Variants in CHD2 observed in about 807,000 individuals in gnomAD.
CHD2 encodes ATP-dependent chromatin remodeler CHD2.
Under a neutral mutation model 243.9 loss-of-function variants are expected in CHD2, and 28 were observed. The ratio of observed to expected loss-of-function variants is 0.11; its 90% CI spans 0.09 to 0.16. The LOEUF is 0.16. CHD2 is among the 10% of genes least tolerant of loss of function. The probability of loss-of-function intolerance (pLI) is 1.00; values close to 1 mark genes in which losing one functional copy is unlikely to be tolerated. For missense variants in CHD2, 1,386 were observed against 2,209.8 expected (o/e 0.63, Z 7.47); for synonymous variants, 775 against 779.0 (o/e 0.99, Z 0.09).
chr15:92,948,865 T>C (rs1167914539), intron 12 of CHD2, 87 bp from the exon 13 acceptor site: 6 of 1,455,756 alleles, frequency 4.1e-6, no homozygotes, highest in Non-Finnish European at 5.6e-6. Context: ...GTTTTTATGC[T>C]TTGATGCCGA....
intron 16 of CHD2, among the ~76,000 whole-genome samples, chr15:92,964,790 A>G (rs896060513): frequency 2.6e-5 from 4 of 152,224 alleles, no homozygotes; most frequent in Non-Finnish European, 5.9e-5. Flanking sequence ...TCGGCTTATA[A>G]AGACCATCAT....
chr15:93,003,273 G>T (rs1049636314), intron 33 of CHD2, among the ~76,000 whole-genome samples: 1 of 135,410 alleles, frequency 7.4e-6, no homozygotes, highest in Non-Finnish European at 1.6e-5. Flanking sequence ...GGCAACAGAG[G>T]AAGACCTTGT....
chr15:92,937,139 A>G (rs568687416), intron 5 of CHD2, among the ~76,000 whole-genome samples: 219 of 152,332 alleles, frequency 1.4e-3, no homozygotes, highest in African/African-American at 4.7e-3. Context: ...CTGAGATTAC[A>G]GGCATGGACC....
intron 13 of CHD2, among the ~76,000 whole-genome samples, chr15:92,950,708 G>C (rs577523885): frequency 6.7e-6 from 1 of 149,848 alleles, no homozygotes; most frequent in African/African-American, 2.5e-5. Flanking sequence ...AGCCATTTTC[G>C]CACCATTGCA....
chr15:92,913,310 A>T (rs140309587), intron 2 of CHD2, among the ~76,000 whole-genome samples: 130 of 152,348 alleles, frequency 8.5e-4, no homozygotes, highest in Middle Eastern at 3.4e-3. Flanking sequence ...ATCTTTTAAA[A>T]TAGAGTAAGG....
At chr15:93,013,405 CTTCA>C (rs1048290702) in intron 36 of CHD2, among the ~76,000 whole-genome samples, 3 of 152,196 alleles carry the variant, frequency 2.0e-5, no homozygotes, top group African/African-American at 2.4e-5. Flanking sequence ...TCATGAAAGA[CTTCA>C]TTCATTTAGG....
At chr15:92,972,571 G>GTCTTAATTTTTACTTGCATA (rs1235390843) in intron 19 of CHD2, among the ~76,000 whole-genome samples, 154 bp downstream of exon 19, 2 of 70,564 alleles carry the variant, frequency 2.8e-5, no homozygotes, top group Non-Finnish European at 7.4e-5. Flanking sequence ...ATTCCAGGGG[G>GTCTTAATTTTTACTTGCATA]CCGGGCGCGG....
chr15:92,941,104 T>C (rs1381727370), intron 7 of CHD2, among the ~76,000 whole-genome samples: 1 of 150,328 alleles, frequency 6.7e-6, no homozygotes, highest in African/African-American at 2.4e-5. Flanking sequence ...CGGATTCAAG[T>C]GATTCTGCTG....
intron 24 of CHD2, among the ~76,000 whole-genome samples, chr15:92,981,778 C>T (rs1407810513): frequency 6.6e-6 from 1 of 152,130 alleles, no homozygotes; most frequent in Non-Finnish European, 1.5e-5. Flanking sequence ...GTCAATAGAT[C>T]AGATGCCAAA....
chr15:92,908,520 T>C (rs1300008555), intron 2 of CHD2, among the ~76,000 whole-genome samples: 2 of 152,186 alleles, frequency 1.3e-5, no homozygotes, highest in Non-Finnish European at 2.9e-5. Context: ...TGTCCATCCC[T>C]GCCCCTAGGA....
chr15:92,971,182 T>C (rs891594293), intron 17 of CHD2, among the ~76,000 whole-genome samples: 1 of 152,208 alleles, frequency 6.6e-6, no homozygotes, highest in Non-Finnish European at 1.5e-5. Context: ...GAGTCTCTTA[T>C]CAAAAATGCT....
At chr15:92,987,856 T>C (rs1378056334) in intron 26 of CHD2, among the ~76,000 whole-genome samples, 3 of 151,288 alleles carry the variant, frequency 2.0e-5, no homozygotes, top group African/African-American at 7.3e-5. Context: ...AAAAAAAAAC[T>C]TTTTTTTTCA....
intron 13 of CHD2, among the ~76,000 whole-genome samples, chr15:92,951,834 ATCT>A (rs1287748339): frequency 6.6e-6 from 1 of 152,154 alleles, no homozygotes; most frequent in African/African-American, 2.4e-5. Flanking sequence ...CCCAAGTGTG[ATCT>A]TCTTTGTTTC....
chr15:92,929,930 AAAT>A (rs1043158536), intron 5 of CHD2, among the ~76,000 whole-genome samples: 5 of 152,336 alleles, frequency 3.3e-5, no homozygotes, highest in African/African-American at 1.2e-4. Flanking sequence ...CCAAAAAAAA[AAAT>A]AATACCATCT....
intron 37 of CHD2, among the ~76,000 whole-genome samples, chr15:93,019,060 A>G (rs558810172): frequency 6.6e-6 from 1 of 152,378 alleles, no homozygotes; most frequent in East Asian, 1.9e-4. Flanking sequence ...TACAGAAGTT[A>G]AAAGGATTGT....
chr15:92,944,453 A>G lies in CHD2; in HGVS notation c.1091A>G (p.Asn364Ser), dbSNP rs143043614. 2.9e-4 allele frequency: 467 copies of G among 1,610,954 alleles called. No homozygotes were observed. The highest frequency in any genetic ancestry group is 5.0e-4 in the Middle Eastern group (3 of 6,032). The change falls in exon 10 of 39, where the codon AAT becomes AGT. Residue 364 changes from asparagine to serine, a missense_variant. Around this residue, in one of 19 missense-constraint regions of CHD2, gnomAD observed 200 missense variants for 292.5 expected, o/e 0.68. Coordinates refer to ENST00000394196, the MANE Select transcript of CHD2 (RefSeq NM_001271.4). ...KVSPEDVEYFNCQQELASELN... is the reference protein window; with the variant it reads ...KVSPEDVEYFSCQQELASELN... ...TCTCCTGAAGATGTAGAATATTTCA[A>G]TTGCCAACAGGAGCTGGCTTCAGAG...
At chr15:93,003,119 TAAAAAC>T (rs2054277625) in intron 33 of CHD2, among the ~76,000 whole-genome samples, 1 of 151,926 alleles carries the variant, frequency 6.6e-6, no homozygotes, top group Non-Finnish European at 1.5e-5. Context: ...CTCTACAAAA[TAAAAAC>T]AAGCAAAAAT....
At chr15:92,980,075 C>G (rs1375574439) in intron 22 of CHD2, among the ~76,000 whole-genome samples, 1 of 142,418 alleles carries the variant, frequency 7.0e-6, no homozygotes, top group East Asian at 2.1e-4. Context: ...GATGGAGTCT[C>G]GCTCGGTCGC....
intron 20 of CHD2, among the ~76,000 whole-genome samples, chr15:92,976,606 C>T (rs2053911829): frequency 6.7e-6 from 1 of 149,598 alleles, no homozygotes; most frequent in African/African-American, 2.5e-5. Context: ...CACTTGAGAC[C>T]AGGAGTTTGA....
Sources: allele counts gnomAD v4.1 joint callset (sites outside exome capture counted in the v4.1 genomes callset), GRCh38; gene constraint gnomAD v4.1.1; regional missense constraint gnomAD v4.1.1; transcripts MANE v1.5; gene names NCBI Gene and HGNC (gene_info 2026-07-23, HGNC 2026-07-21).